GPR161: variants seen among roughly 807,000 people sequenced by gnomAD.
The protein encoded by GPR161 is G-protein coupled receptor RE2.
GPR161 carries 25 observed loss-of-function variants against 39.2 expected under a neutral mutation model. That is an observed-to-expected ratio of 0.64 (90% confidence interval 0.47 to 0.89). The LOEUF (loss-of-function observed/expected upper bound fraction) is 0.89, where lower values mean the gene tolerates loss of function less well. Among genes scored for constraint, GPR161 ranks in the 40% least tolerant of loss-of-function variants. The probability of loss-of-function intolerance (pLI) is 0.00; values close to 1 mark genes in which losing one functional copy is unlikely to be tolerated. For missense variants in GPR161, 547 were observed against 677.8 expected, an observed-to-expected ratio of 0.81 and a Z score of 2.14; for synonymous variants, 286 against 276.6, an observed-to-expected ratio of 1.03 and a Z score of -0.34.
rs549167537 is a variant in GPR161 at position 168,081,102 on chromosome 1, G to C, written c.*4429C>G. On this transcript the variant is annotated 3_prime_UTR_variant, in exon 6 of 6. Coordinates refer to ENST00000682931, the MANE Select transcript of GPR161 (RefSeq NM_001375883.1). ...TGGTCTCGAACTCCTGACCTCAGGT[G>C]ATCTGCCCATCTCGACCCCCCAAAG... 1 of 152,142 alleles carries C rather than the reference G, an allele frequency of 6.6e-6. No individual in the cohort carries two copies. The highest frequency in any genetic ancestry group is 1.5e-5 in the Non-Finnish European group (1 of 68,054). The allele number at this position is 152,142 out of a possible 1,614,324, so 9.4% of individuals were successfully genotyped here.
At chr1:168,092,554 A>G (rs1695163893) in intron 3 of GPR161, among the ~76,000 whole-genome samples, 1 of 152,176 alleles carries the variant, frequency 6.6e-6, no homozygotes, top group South Asian at 2.1e-4. Context: ...ACCCCTCAAG[A>G]AAAAAGCACA....
rs12568392 is a variant in GPR161, at chr1:168,085,267, G to T, written c.*264C>A. 3.9e-4 allele frequency: 184 copies of T among 475,984 alleles called. No individual in the cohort carries two copies. The highest frequency in any genetic ancestry group is 1.1e-3 in the East Asian group (29 of 26,922). 29.5% of individuals were successfully genotyped at this position (475,984 alleles called of 1,614,324 possible). A position where few individuals can be genotyped will look rare whatever the true frequency, so the allele number is the denominator to read the frequency against. Reference sequence around the variant, plus strand: ...AGCCACATCTCTAGATTTTTTTTTGGTTTTTTTTTTGCTTTAGATGCTTCT... The same window carrying T: ...AGCCACATCTCTAGATTTTTTTTTGTTTTTTTTTTTGCTTTAGATGCTTCT... On this transcript the variant is annotated 3_prime_UTR_variant, in exon 6 of 6. Transcript: ENST00000682931.
At chr1:168,105,555 G>A (rs1696526894) in intron 1 of GPR161, among the ~76,000 whole-genome samples, 1 of 152,234 alleles carries the variant, frequency 6.6e-6, no homozygotes, top group South Asian at 2.1e-4. Context: ...TCCCTAAGCA[G>A]GGATTAATCA....
At chr1:168,137,284 C>T, upstream of GPR161, 1 of 1,514,496 alleles carries the variant, frequency 6.6e-7, no homozygotes, top group Non-Finnish European at 8.8e-7. Flanking sequence ...CCATGTCTCT[C>T]TCCATCACAC....
Position 168,081,375 on chromosome 1 carries a change from T to C in GPR161, c.*4156A>G, listed in dbSNP as rs533733888. 9 of 152,318 alleles carry C rather than the reference T, an allele frequency of 5.9e-5. No individual in the cohort carries two copies. The highest frequency in any genetic ancestry group is 4.2e-4 in the South Asian group (2 of 4,814). 9.4% of individuals were successfully genotyped at this position (152,318 alleles called of 1,614,324 possible). A position where few individuals can be genotyped will look rare whatever the true frequency, so the allele number is the denominator to read the frequency against. ...CACCTCCCATCTAGGATAACACTTA[T>C]ATTTTCAAGATTCTCACTTCATTAT... On this transcript the variant is annotated 3_prime_UTR_variant, in exon 6 of 6. Coordinates refer to ENST00000682931, the MANE Select transcript of GPR161 (RefSeq NM_001375883.1).
intron 1 of GPR161, among the ~76,000 whole-genome samples, chr1:168,127,310 C>T (rs1381437290): frequency 4.6e-5 from 7 of 151,990 alleles, no homozygotes; most frequent in African/African-American, 1.7e-4. Context: ...CATGGTGAAA[C>T]CCTGTCTCTA....
intron 1 of GPR161, among the ~76,000 whole-genome samples, chr1:168,110,940 GA>G (rs1697120294): frequency 6.6e-6 from 1 of 151,348 alleles, no homozygotes; most frequent in South Asian, 2.1e-4. Flanking sequence ...AAAAAAAAGG[GA>G]AAAGAACTAG....
intron 4 of GPR161, chr1:168,090,324 C>T (rs1694929773): frequency 2.3e-5 from 9 of 398,462 alleles, no homozygotes; most frequent in South Asian, 1.8e-4. Context: ...CTAATAACAC[C>T]GTGCGGCAGA....
intron 1 of GPR161, chr1:168,136,410 T>A: frequency 2.2e-6 from 3 of 1,368,026 alleles, no homozygotes; most frequent in South Asian, 1.7e-5. Context: ...GCGGACTGTT[T>A]AGGGGCTTCG....
intron 2 of GPR161, among the ~76,000 whole-genome samples, chr1:168,103,241 C>A (rs1467276882): frequency 6.6e-5 from 10 of 151,972 alleles, no homozygotes; most frequent in Admixed American, 6.5e-4. Flanking sequence ...TCACCATCAC[C>A]TAAATGAAAA....
At chr1:168,110,593 AAAAG>A (rs144639460) in intron 1 of GPR161, among the ~76,000 whole-genome samples, 7 of 78,814 alleles carry the variant, frequency 8.9e-5, no homozygotes, top group Admixed American at 3.3e-4. Context: ...AAAAGAAAAG[AAAAG>A]AGACAATAAA....
chr1:168,121,532 C>T (rs1698162476), intron 1 of GPR161, among the ~76,000 whole-genome samples: 1 of 152,088 alleles, frequency 6.6e-6, no homozygotes, highest in Non-Finnish European at 1.5e-5. Flanking sequence ...AGGTCCACGT[C>T]AACCTCCTAG....
intron 1 of GPR161, among the ~76,000 whole-genome samples, chr1:168,122,464 C>A (rs1387729353): frequency 6.6e-6 from 1 of 152,170 alleles, no homozygotes; most frequent in Non-Finnish European, 1.5e-5. Flanking sequence ...CCTGTTAAAA[C>A]AGACATCAAA....
Position 168,104,893 on chromosome 1 carries a change from G to A in GPR161, c.-43C>T, listed in dbSNP as rs377341372. 1.2e-3 allele frequency: 1,907 copies of A among 1,601,634 alleles called. 27 individuals carry two copies. In the South Asian group the frequency reaches 0.02, roughly 16 times the overall value. ...GTGGGGTGGGCAGAGCATGCTGGAC[G>A]ACTGGAAAGATAAGGCAGGACCAGG... On this transcript the variant is annotated splice_region_variant and 5_prime_UTR_variant, in exon 2 of 6. Transcript: ENST00000682931.
rs1694210113 is a variant in GPR161, at chr1:168,083,410, C to A, written c.*2121G>T. On this transcript the variant is annotated 3_prime_UTR_variant, in exon 6 of 6. Transcript: ENST00000682931. ...GTACAGTCAGGGGAACATTCTCCAA[C>A]CCTTGCGTTTCAAAGCCAAGCTGCT... is the stretch of plus-strand genomic sequence containing the variant. The A allele has an allele frequency of 6.6e-6, 1 of 152,220 alleles. No individual in the cohort carries two copies. The highest frequency in any genetic ancestry group is 1.5e-5 in the Non-Finnish European group (1 of 68,076). 9.4% of individuals were successfully genotyped at this position (152,220 alleles called of 1,614,324 possible).
At chr1:168,137,219 C>T (rs914157772), upstream of GPR161, 1 of 1,463,318 alleles carries the variant, frequency 6.8e-7, no homozygotes. Context: ...CTAACTCAGG[C>T]CTTCCCTGTT....
Position 168,085,423 on chromosome 1 carries a change from G to T in GPR161, c.*108C>A. 9.9e-7 allele frequency: 1 copy of T among 1,012,758 alleles called. No individual in the cohort carries two copies. The highest frequency in any genetic ancestry group is 1.5e-6 in the Non-Finnish European group (1 of 677,032). The allele number at this position is 1,012,758 out of a possible 1,614,324, so 62.7% of individuals were successfully genotyped here. On this transcript the variant is annotated 3_prime_UTR_variant, in exon 6 of 6. Coordinates refer to ENST00000682931, the MANE Select transcript of GPR161 (RefSeq NM_001375883.1). ...CAGATGCTGCTCCTTCCCTGTGTGTGGCCAGCTGTACACAGTGACATGCTC... is the reference window on the plus strand; with the variant it reads ...CAGATGCTGCTCCTTCCCTGTGTGTTGCCAGCTGTACACAGTGACATGCTC...
At position 168,129,548 on chromosome 1, in the gene GPR161, C is replaced by T. The variant is rs139495405; in HGVS notation, c.-45+7191G>A. ...GGCAGGGACCCCAGTTAGGAGGCCACGGCTATGGCCCAAGTAGAGACAAAG... is the reference window on the plus strand; with the variant it reads ...GGCAGGGACCCCAGTTAGGAGGCCATGGCTATGGCCCAAGTAGAGACAAAG... On this transcript the variant is annotated intron_variant, in intron 1 of 5. Transcript: ENST00000682931. Among the ~76,000 whole-genome samples the T allele has an allele frequency of 1.3e-4, 20 of 152,220 alleles. No homozygotes were observed. In the East Asian group the frequency reaches 3.3e-3, roughly 25 times the overall value.
At chr1:168,133,204 TC>T (rs1699130015) in intron 1 of GPR161, among the ~76,000 whole-genome samples, 1 of 152,240 alleles carries the variant, frequency 6.6e-6, no homozygotes, top group African/African-American at 2.4e-5. Context: ...GCTATACCTT[TC>T]CAATTCACTA....
Sources: gnomAD v4.1 joint callset for allele counts (sites outside exome capture counted in the v4.1 genomes callset) on GRCh38, gnomAD v4.1.1 for gene constraint, MANE v1.5 for transcripts, NCBI Gene and HGNC (gene_info 2026-07-23, HGNC 2026-07-21) for gene names.